The following ZNF131 variants were observed in gnomAD, a reference collection of about 807,000 sequenced individuals.
ZNF131 encodes the protein zinc finger protein 131.
In ZNF131, 7 loss-of-function variants were observed where a neutral mutation model predicts 60.0. The observed-to-expected ratio is 0.12, with a 90% CI of 0.07 to 0.22. The LOEUF is 0.22. Among genes scored for constraint, ZNF131 ranks in the 10% least tolerant of loss-of-function variants. The pLI is 1.00. For missense variants in ZNF131, 493 were observed against 740.9 expected (o/e 0.67, Z 3.88); for synonymous variants, 257 against 253.2 (o/e 1.01, Z -0.14).
chr5:43,161,370 C>T lies in ZNF131; in HGVS notation c.493C>T (p.Pro165Ser). The T allele has an allele frequency of 6.2e-7, 1 of 1,614,190 alleles. No homozygotes were observed. Among genetic ancestry groups the T allele is most frequent in the Non-Finnish European group, 8.5e-7 (1 of 1,180,040 alleles). The stretch of plus-strand genomic sequence containing the variant: ...GTCATTGCCATCTGCAGAATCAGAA[C>T]CTGTTGAAATTGAGGTAGAGATTGC... Reference protein sequence around the residue: ...TESLPSAESEPVEIEVEIAEG... With the variant: ...TESLPSAESESVEIEVEIAEG... The change falls in exon 5 of 7, where the codon CCT becomes TCT. Residue 165 changes from proline to serine, a missense_variant. Around this residue, in one of 7 missense-constraint regions of ZNF131, gnomAD observed 138 missense variants for 158.7 expected, o/e 0.87. Coordinates refer to ENST00000682664, the MANE Select transcript of ZNF131 (RefSeq NM_001330707.2).
intron 3 of ZNF131, among the ~76,000 whole-genome samples, chr5:43,136,589 G>C (rs1393596763): frequency 6.8e-6 from 1 of 146,332 alleles, no homozygotes; most frequent in African/African-American, 2.5e-5. Flanking sequence ...CAAGTAGCTG[G>C]GATTACAGGT....
chr5:43,145,332 A>G (rs569509602), intron 4 of ZNF131, among the ~76,000 whole-genome samples: 2 of 152,252 alleles, frequency 1.3e-5, no homozygotes, highest in South Asian at 4.1e-4. Context: ...ACCTATAGTT[A>G]AGACAAGCAT....
chr5:43,157,932 A>G (rs1291933365), intron 4 of ZNF131, among the ~76,000 whole-genome samples: 1 of 152,226 alleles, frequency 6.6e-6, no homozygotes, highest in Non-Finnish European at 1.5e-5. Flanking sequence ...TTGTAGAGAC[A>G]CTAATTGTAT....
intron 4 of ZNF131, among the ~76,000 whole-genome samples, chr5:43,153,535 C>T (rs1225454366): frequency 6.8e-6 from 1 of 146,376 alleles, no homozygotes; most frequent in African/African-American, 2.5e-5. Flanking sequence ...ATCTCAGCTA[C>T]TTAGGCTGAG....
At chr5:43,145,324 C>T (rs1195158981) in intron 4 of ZNF131, among the ~76,000 whole-genome samples, 1 of 152,004 alleles carries the variant, frequency 6.6e-6, no homozygotes, top group African/African-American at 2.4e-5. Flanking sequence ...GAGGTCATAC[C>T]TATAGTTAAG....
intron 5 of ZNF131, among the ~76,000 whole-genome samples, chr5:43,167,112 A>C (rs1750465439): frequency 6.6e-6 from 1 of 152,272 alleles, no homozygotes; most frequent in Non-Finnish European, 1.5e-5. Context: ...GGATGCATAC[A>C]ACATTTATCA....
chr5:43,125,774 C>G (rs752155863), intron 3 of ZNF131, among the ~76,000 whole-genome samples: 1 of 151,628 alleles, frequency 6.6e-6, no homozygotes, highest in Non-Finnish European at 1.5e-5. Context: ...GAGTGAAACT[C>G]CGTCTCAAAG....
intron 3 of ZNF131, among the ~76,000 whole-genome samples, chr5:43,130,754 T>G (rs1381451730): frequency 6.6e-6 from 1 of 151,754 alleles, no homozygotes; most frequent in African/African-American, 2.4e-5. Flanking sequence ...TTAGTAGAGA[T>G]GGGGTTTCTC....
chr5:43,140,561 T>A (rs2112264743), intron 4 of ZNF131, among the ~76,000 whole-genome samples: 1 of 152,366 alleles, frequency 6.6e-6, no homozygotes, highest in South Asian at 2.1e-4. Context: ...CTCCTGGTAC[T>A]GTTTTTTATG....
intron 5 of ZNF131, among the ~76,000 whole-genome samples, chr5:43,169,439 G>A (rs1195835218): frequency 6.6e-6 from 1 of 152,180 alleles, no homozygotes; most frequent in Non-Finnish European, 1.5e-5. Flanking sequence ...ATCCTTTTCT[G>A]ATTTATCAGA....
chr5:43,137,918 CA>C (rs754223957), intron 3 of ZNF131, among the ~76,000 whole-genome samples: 18 of 152,236 alleles, frequency 1.2e-4, no homozygotes, highest in Non-Finnish European at 2.4e-4. Context: ...TCTGCATATG[CA>C]ACCACATGGA....
chr5:43,133,241 G>A (rs1201466135), intron 3 of ZNF131, among the ~76,000 whole-genome samples: 2 of 152,050 alleles, frequency 1.3e-5, no homozygotes, highest in Non-Finnish European at 2.9e-5. Context: ...CGAGGTGGAC[G>A]GATCATGAGG....
rs1198262693 is a variant in ZNF131 at position 43,161,497 on chromosome 5, A to T, written c.620A>T (p.Asp207Val). 6.2e-7 allele frequency: 1 copy of T among 1,614,260 alleles called. No homozygotes were observed. Among genetic ancestry groups the T allele is most frequent in the Non-Finnish European group, 8.5e-7 (1 of 1,180,040 alleles). ...TACATACAGAGCACAGGTTCCTCTG[A>T]TGATTCTGCTCTAGCACTGTTGGCA... is the stretch of plus-strand genomic sequence containing the variant. ...VKYIQSTGSS[D>V]DSALALLADI... The change falls in exon 5 of 7, where the codon GAT becomes GTT. Residue 207 changes from aspartate (D) to valine (V), a missense_variant. Transcript: ENST00000682664.
chr5:43,169,673 C>T (rs1003709217), intron 5 of ZNF131, among the ~76,000 whole-genome samples: 1 of 152,134 alleles, frequency 6.6e-6, no homozygotes, highest in Non-Finnish European at 1.5e-5. Context: ...TAGGTTGTTG[C>T]TAGGCTTTTG....
intron 3 of ZNF131, among the ~76,000 whole-genome samples, chr5:43,133,587 C>T (rs907000253): frequency 1.3e-5 from 2 of 152,162 alleles, no homozygotes; most frequent in African/African-American, 4.8e-5. Context: ...AAATCACTTT[C>T]CTGAAGTAGT....
At position 43,176,293 on chromosome 5, in the gene ZNF131, T is replaced by C. The variant is rs1751563483; in HGVS notation, c.*1160T>C. ...TACCTGTTAAATATTGGGAGTTCTTTACATTTTTTAAGTAAACTTTAAAAT... is the reference window on the plus strand; with the variant it reads ...TACCTGTTAAATATTGGGAGTTCTTCACATTTTTTAAGTAAACTTTAAAAT... On this transcript the variant is annotated 3_prime_UTR_variant, in exon 7 of 7. Coordinates refer to ENST00000682664, the MANE Select transcript of ZNF131 (RefSeq NM_001330707.2). The C allele has an allele frequency of 6.6e-6, 1 of 152,252 alleles. No individual in the cohort carries two copies. Among genetic ancestry groups the C allele is most frequent in the Non-Finnish European group, 1.5e-5 (1 of 68,040 alleles). The allele number at this position is 152,252 out of a possible 1,614,324, so 9.4% of individuals were successfully genotyped here. A position where few individuals can be genotyped will look rare whatever the true frequency, so the allele number is the denominator to read the frequency against.
intron 2 of ZNF131, among the ~76,000 whole-genome samples, chr5:43,122,710 G>C (rs542679667): frequency 3.9e-5 from 6 of 152,188 alleles, no homozygotes; most frequent in Non-Finnish European, 7.3e-5. Context: ...TTTCTGTTTA[G>C]CGAAAATAGG....
rs1751359913 is a variant in ZNF131 at position 43,174,459 on chromosome 5, G to A, written c.1198G>A (p.Val400Met). 1 of 1,525,240 alleles carries A rather than the reference G, an allele frequency of 6.6e-7. No homozygotes were observed. Among genetic ancestry groups the A allele is most frequent in the South Asian group, 1.3e-5 (1 of 75,732 alleles). The allele number at this position is 1,525,240 out of a possible 1,614,324, so 94.5% of individuals were successfully genotyped here. A position where few individuals can be genotyped will look rare whatever the true frequency, so the allele number is the denominator to read the frequency against. The change falls in exon 7 of 7, where the codon GTG becomes ATG. Residue 400 changes from valine to methionine, a missense_variant. Transcript: ENST00000682664. Reference protein sequence around the residue: ...KLYECQVCNSVFNSWDQFKDH... With the variant: ...KLYECQVCNSMFNSWDQFKDH... ...TTGGTTATTTCAGGTCTGCAACAGT[G>A]TGTTTAACAGCTGGGACCAGTTCAA...
At position 43,161,662 on chromosome 5, in the gene ZNF131, A is replaced by G. The variant is rs1305335821; in HGVS notation, c.785A>G (p.His262Arg). Reference protein sequence around the residue: ...LQLSHVKDLFHCEKCNRSFKL... With the variant: ...LQLSHVKDLFRCEKCNRSFKL... ...CTGTCACATGTGAAGGACTTGTTCC[A>G]TTGTGAGAAATGTAACCGTTCATTT... The change falls in exon 5 of 7, where the codon CAT (histidine) becomes CGT (arginine). Residue 262 changes from histidine to arginine, a missense_variant. His to Arg is a conservative substitution (Grantham distance 29). Coordinates refer to ENST00000682664, the MANE Select transcript of ZNF131 (RefSeq NM_001330707.2). 3.7e-6 allele frequency: 6 copies of G among 1,614,258 alleles called. No homozygotes were observed. Among genetic ancestry groups the G allele is most frequent in the Non-Finnish European group, 4.2e-6 (5 of 1,180,028 alleles).
Sources: allele counts gnomAD v4.1 joint callset (sites outside exome capture counted in the v4.1 genomes callset), GRCh38; gene constraint gnomAD v4.1.1; regional missense constraint gnomAD v4.1.1; transcripts MANE v1.5; gene names NCBI Gene and HGNC (gene_info 2026-07-23, HGNC 2026-07-21).